Variants in CLIC6 observed in about 807,000 individuals in gnomAD.
CLIC6 encodes the protein chloride intracellular channel protein 6.
In CLIC6, 39 loss-of-function variants were observed where a neutral mutation model predicts 49.2. The observed-to-expected ratio is 0.79, with a 90% CI of 0.61 to 1.04. The LOEUF (loss-of-function observed/expected upper bound fraction) is 1.04, where lower values mean the gene tolerates loss of function less well. CLIC6 is among the 50% of genes least tolerant of loss of function. The pLI is 0.00. For synonymous variants in CLIC6, 446 were observed against 433.4 expected (o/e 1.03, Z -0.36); for missense variants, 988 against 993.1 (o/e 0.99, Z 0.07).
chr21:34,670,178 G>A lies in CLIC6; in HGVS notation c.790G>A (p.Val264Ile). The A allele has an allele frequency of 2.3e-6, 2 of 883,618 alleles. No homozygotes were observed. The highest frequency in any genetic ancestry group is 1.9e-5 in the African/African-American group (1 of 51,556). The allele number at this position is 883,618 out of a possible 1,614,324, so 54.7% of individuals were successfully genotyped here. ...DPAGDGVEAG[V>I]PAGDSVEAEG... ...GGCGGGGGACGGCGTAGAAGCGGGG[G>A]TCCCGGCGGGGGACAGCGTAGAAGC... The change falls in exon 1 of 6, where the codon GTC becomes ATC. Residue 264 changes from valine (V) to isoleucine (I), a missense_variant. Around this residue, in one of 3 missense-constraint regions of CLIC6, gnomAD observed 647 missense variants for 596.9 expected, o/e 1.08. Coordinates refer to ENST00000349499, the MANE Select transcript of CLIC6 (RefSeq NM_053277.3).
rs763998020 is a variant in CLIC6 at position 34,716,421 on chromosome 21, C to T, written c.2000C>T (p.Thr667Met). 4.6e-5 allele frequency: 74 copies of T among 1,613,630 alleles called. No individual in the cohort carries two copies. In the South Asian group the frequency reaches 6.7e-4, roughly 15 times the overall value. ...TATGCTAGAGATGAGTTCACAAATACGTGTCCAGCTGATCAAGAGATTGAA... is the reference window on the plus strand; with the variant it reads ...TATGCTAGAGATGAGTTCACAAATATGTGTCCAGCTGATCAAGAGATTGAA... Reference protein sequence around the residue: ...NAYARDEFTNTCPADQEIEHA... With the variant: ...NAYARDEFTNMCPADQEIEHA... The change falls in exon 6 of 6, where the codon ACG (threonine) becomes ATG (methionine). Residue 667 changes from threonine to methionine, a missense_variant. Thr to Met is a moderately conservative substitution (Grantham distance 81). Around this residue, in one of 3 missense-constraint regions of CLIC6, gnomAD observed 647 missense variants for 596.9 expected, o/e 1.08. Transcript: ENST00000349499.
At chr21:34,693,056 C>G (rs1159213175) in intron 1 of CLIC6, among the ~76,000 whole-genome samples, 2 of 152,174 alleles carry the variant, frequency 1.3e-5, no homozygotes, top group Non-Finnish European at 2.9e-5. Context: ...TAACATAAGG[C>G]AAAGTATGCA....
intron 1 of CLIC6, among the ~76,000 whole-genome samples, chr21:34,698,314 G>A (rs1990124897): frequency 6.6e-6 from 1 of 152,142 alleles, no homozygotes; most frequent in Non-Finnish European, 1.5e-5. Context: ...TGCTCTGAAG[G>A]AATGTCACCT....
In CLIC6 at chr21:34,693,458, T is replaced by C. The variant is rs575502896; in HGVS notation, c.1375-13822T>C. ...CAATGGCCTCCAGAAGTTGTTTCCC[T>C]ACCTTGACGTTTGAGGGTAGGTTCT... is the stretch of plus-strand genomic sequence containing the variant. On this transcript the variant is annotated intron_variant, in intron 1 of 5. Transcript: ENST00000349499. Among the ~76,000 whole-genome samples, 53 of 152,332 alleles carry C rather than the reference T, an allele frequency of 3.5e-4. No homozygotes were observed. The Middle Eastern group carries it at 0.017, about 49-fold the overall frequency.
intron 1 of CLIC6, among the ~76,000 whole-genome samples, chr21:34,679,512 G>C (rs572026671): frequency 3.3e-5 from 5 of 152,096 alleles, no homozygotes; most frequent in African/African-American, 1.2e-4. Flanking sequence ...CCCTCCAACA[G>C]TCTCCCCAAA....
At chr21:34,681,897 CT>C (rs1049145934) in intron 1 of CLIC6, among the ~76,000 whole-genome samples, 2 of 152,048 alleles carry the variant, frequency 1.3e-5, no homozygotes, top group Non-Finnish European at 2.9e-5. Flanking sequence ...ACCACATCTA[CT>C]TTTTTTTCCA....
rs1164244853 is a variant in CLIC6, at chr21:34,717,460, C to T, written c.*978C>T. 6.6e-6 allele frequency: 1 copy of T among 152,126 alleles called. No homozygotes were observed. The highest frequency in any genetic ancestry group is 1.9e-4 in the East Asian group (1 of 5,162). The allele number at this position is 152,126 out of a possible 1,614,324, so 9.4% of individuals were successfully genotyped here. A position where few individuals can be genotyped will look rare whatever the true frequency, so the allele number is the denominator to read the frequency against. The stretch of plus-strand genomic sequence containing the variant: ...ATCTAGACATCAAGCAGGGAAAATC[C>T]AGGGAGATTAAATTCATGGTGACAA... On this transcript the variant is annotated 3_prime_UTR_variant, in exon 6 of 6. Coordinates refer to ENST00000349499, the MANE Select transcript of CLIC6 (RefSeq NM_053277.3).
intron 1 of CLIC6, among the ~76,000 whole-genome samples, chr21:34,681,586 G>A (rs569777427): frequency 6.6e-6 from 1 of 152,282 alleles, no homozygotes; most frequent in Non-Finnish European, 1.5e-5. Context: ...AAGATGGCTG[G>A]CTCACATGTC....
At position 34,669,770 on chromosome 21, in the gene CLIC6, G is replaced by A; in HGVS notation, c.382G>A (p.Glu128Lys). 7.1e-7 allele frequency: 1 copy of A among 1,417,272 alleles called. No individual in the cohort carries two copies. The highest frequency in any genetic ancestry group is 9.1e-7 in the Non-Finnish European group (1 of 1,096,580). The allele number at this position is 1,417,272 out of a possible 1,614,324, so 87.8% of individuals were successfully genotyped here. A position where few individuals can be genotyped will look rare whatever the true frequency, so the allele number is the denominator to read the frequency against. ...CGAGCCCCGCGGGGAGGCTCAGAGG[G>A]AGCCCGAGGACTCTGCGGCCCCCGA... ...QGEPRGEAQR[E>K]PEDSAAPERQ... Residue 128 changes from glutamate to lysine, a missense_variant, in exon 1 of 6, where the codon GAG becomes AAG. Coordinates refer to ENST00000349499, the MANE Select transcript of CLIC6 (RefSeq NM_053277.3).
intron 1 of CLIC6, among the ~76,000 whole-genome samples, chr21:34,678,377 G>C (rs1989714226): frequency 6.6e-6 from 1 of 151,770 alleles, no homozygotes; most frequent in Admixed American, 6.6e-5. Flanking sequence ...AGGAGGTGGA[G>C]CTTGCAGTGA....
In CLIC6 at chr21:34,672,420, C is replaced by A. The variant is rs563877532; in HGVS notation, c.1374+1658C>A. Among the ~76,000 whole-genome samples the A allele has an allele frequency of 2.0e-5, 3 of 152,270 alleles. No homozygotes were observed. The East Asian group carries it at 5.8e-4, about 29-fold the overall frequency. ...CTTGAGGGAGCCACGTTCTTTCCTG[C>A]CTTGAAACTTTCTACATTATGTACC... is the stretch of plus-strand genomic sequence containing the variant. On this transcript the variant is annotated intron_variant, in intron 1 of 5. Coordinates refer to ENST00000349499, the MANE Select transcript of CLIC6 (RefSeq NM_053277.3).
At chr21:34,673,176 C>T (rs925685093) in intron 1 of CLIC6, among the ~76,000 whole-genome samples, 7 of 152,076 alleles carry the variant, frequency 4.6e-5, no homozygotes, top group Non-Finnish European at 7.4e-5. Flanking sequence ...CGGCCCAGCA[C>T]GAGCAGCTTA....
intron 1 of CLIC6, among the ~76,000 whole-genome samples, chr21:34,703,099 C>G (rs1473941993): frequency 1.3e-5 from 2 of 152,184 alleles, no homozygotes; most frequent in African/African-American, 4.8e-5. Flanking sequence ...ATGTCTTTCT[C>G]CTGGTTTTCT....
intron 1 of CLIC6, among the ~76,000 whole-genome samples, chr21:34,693,928 T>C (rs1990043073): frequency 6.6e-6 from 1 of 151,936 alleles, no homozygotes; most frequent in Non-Finnish European, 1.5e-5. Flanking sequence ...CTCTTCATAA[T>C]GAGTTCTTAT....
chr21:34,673,103 C>T (rs1287564365), intron 1 of CLIC6, among the ~76,000 whole-genome samples: 1 of 152,182 alleles, frequency 6.6e-6, no homozygotes, highest in Non-Finnish European at 1.5e-5. Context: ...AAACAACTTG[C>T]TTCCTCAAAT....
rs148773978 is a variant in CLIC6, at chr21:34,683,184, G to A, written c.1374+12422G>A. Among the ~76,000 whole-genome samples the A allele has an allele frequency of 2.0e-3, 301 of 152,208 alleles. 1 individual carries two copies. Among genetic ancestry groups the A allele is most frequent in the African/African-American group, 7.0e-3 (289 of 41,514 alleles). ...CCCTTTTAGAATGAAACTCCATGTGGCATGGTAAGAATCCCTTTTCAAAAC... is the reference window on the plus strand; with the variant it reads ...CCCTTTTAGAATGAAACTCCATGTGACATGGTAAGAATCCCTTTTCAAAAC... On this transcript the variant is annotated intron_variant, in intron 1 of 5. Transcript: ENST00000349499.
chr21:34,679,417 T>G (rs1989734817), intron 1 of CLIC6, among the ~76,000 whole-genome samples: 1 of 152,178 alleles, frequency 6.6e-6, no homozygotes. Flanking sequence ...GAGGTGAGAT[T>G]TGGGTGGAGA....
intron 1 of CLIC6, among the ~76,000 whole-genome samples, chr21:34,704,278 AT>A (rs973213291): frequency 6.6e-6 from 1 of 152,014 alleles, no homozygotes; most frequent in Non-Finnish European, 1.5e-5. Flanking sequence ...CTTCGCCTTT[AT>A]TTTTGCTGGC....
intron 1 of CLIC6, among the ~76,000 whole-genome samples, chr21:34,686,615 T>C (rs140697518): frequency 3.2e-4 from 48 of 152,270 alleles, no homozygotes; most frequent in Middle Eastern, 3.4e-3. Context: ...GCTGGGTGAT[T>C]TTTGTCCTGC....
Sources: gnomAD v4.1 joint callset for allele counts (sites outside exome capture counted in the v4.1 genomes callset) on GRCh38, gnomAD v4.1.1 for gene constraint, gnomAD v4.1.1 regional missense constraint, MANE v1.5 for transcripts, NCBI Gene and HGNC (gene_info 2026-07-23, HGNC 2026-07-21) for gene names.